The following ASB7 variants were observed in gnomAD, a reference collection of about 807,000 sequenced individuals.
The protein encoded by ASB7 is ankyrin repeat and SOCS box protein 7.
In ASB7, 4 loss-of-function variants were observed where a neutral mutation model predicts 32.5. The observed-to-expected ratio is 0.12, with a 90% CI of 0.06 to 0.28. The LOEUF is 0.28. Among genes scored for constraint, ASB7 ranks in the 10% least tolerant of loss-of-function variants. The pLI is 1.00. For synonymous variants in ASB7, 172 were observed against 155.6 expected (o/e 1.11, Z -0.78); for missense variants, 181 against 407.1 (o/e 0.44, Z 4.78).
chr15:100,619,907 G>C (rs1979710), intron 4 of ASB7, among the ~76,000 whole-genome samples: 43,171 of 152,164 alleles, frequency 0.28, 7,315 homozygotes, highest in South Asian at 0.42. Flanking sequence ...TTCCAAAAGG[G>C]TAACAGTGTG....
chr15:100,616,389 GT>G (rs770297871), intron 4 of ASB7, among the ~76,000 whole-genome samples: 6 of 152,036 alleles, frequency 3.9e-5, no homozygotes, highest in Non-Finnish European at 5.9e-5. Context: ...TAGCCTTATC[GT>G]TTGTGCCCTT....
Position 100,651,367 on chromosome 15 carries a change from G to C in ASB7, c.*2905G>C, listed in dbSNP as rs535251875. 29 of 152,102 alleles carry C rather than the reference G, an allele frequency of 1.9e-4. No individual in the cohort carries two copies. The highest frequency in any genetic ancestry group is 3.8e-4 in the Non-Finnish European group (26 of 68,020). 9.4% of individuals were successfully genotyped at this position (152,102 alleles called of 1,614,324 possible). ...TTTAATTCATTGTCAGTCATGCTTG[G>C]AACAGCATTTCCACTAGAGAATCCA... On this transcript the variant is annotated 3_prime_UTR_variant, in exon 6 of 6. Coordinates refer to ENST00000332783, the MANE Select transcript of ASB7 (RefSeq NM_198243.3).
At chr15:100,628,475 G>A (rs1419856285) in intron 4 of ASB7, among the ~76,000 whole-genome samples, 2 of 152,134 alleles carry the variant, frequency 1.3e-5, no homozygotes, top group African/African-American at 4.8e-5. Context: ...TTTTACAAGA[G>A]AGCATTTTCA....
chr15:100,629,799 A>T lies in ASB7; in HGVS notation c.574A>T (p.Asn192Tyr). 1 of 1,614,238 alleles carries T rather than the reference A, an allele frequency of 6.2e-7. No homozygotes were observed. Among genetic ancestry groups the T allele is most frequent in the Non-Finnish European group, 8.5e-7 (1 of 1,180,034 alleles). ...GTTGCGATACGCCGTGATCAAAAGC[A>T]ATCACTCTTATTGCCGAATGTTCCT... is the stretch of plus-strand genomic sequence containing the variant. The part of the protein sequence containing the change: ...FLLRYAVIKS[N>Y]HSYCRMFLQR... Residue 192 changes from asparagine to tyrosine, a missense_variant, in exon 5 of 6, where the codon AAT becomes TAT. Asn to Tyr is a moderately radical substitution (Grantham distance 143). Coordinates refer to ENST00000332783, the MANE Select transcript of ASB7 (RefSeq NM_198243.3). The surrounding 1 kb of genome is among the most constrained non-coding windows in gnomAD (Gnocchi z 6.8).
intron 5 of ASB7, among the ~76,000 whole-genome samples, chr15:100,640,616 C>T (rs1179210875): frequency 3.9e-5 from 6 of 152,108 alleles, no homozygotes; most frequent in Admixed American, 3.9e-4. Context: ...AATTTCTACC[C>T]CTCTCCAACC....
chr15:100,645,775 A>G, intron 5 of ASB7: 2 of 1,572,504 alleles, frequency 1.3e-6, no homozygotes, highest in East Asian at 2.2e-5. Flanking sequence ...AGGAAATACA[A>G]TTAAACACTT....
At chr15:100,641,376 C>T (rs2039960746) in intron 5 of ASB7, among the ~76,000 whole-genome samples, 1 of 152,128 alleles carries the variant, frequency 6.6e-6, no homozygotes, top group South Asian at 2.1e-4. Flanking sequence ...AAAATAGCTC[C>T]TTAGACTGTC....
intron 5 of ASB7, among the ~76,000 whole-genome samples, chr15:100,636,760 A>G (rs1005594821): frequency 6.6e-6 from 1 of 152,156 alleles, no homozygotes; most frequent in Non-Finnish European, 1.5e-5. Flanking sequence ...ATTGTTTTTT[A>G]TTTATTTATT....
chr15:100,623,611 G>C (rs1167106742), intron 4 of ASB7, among the ~76,000 whole-genome samples: 1 of 152,154 alleles, frequency 6.6e-6, no homozygotes, highest in Non-Finnish European at 1.5e-5. Flanking sequence ...GCAGAGAAAA[G>C]AAAACTCTTA....
intron 5 of ASB7, chr15:100,645,878 C>G: frequency 6.1e-6 from 5 of 818,166 alleles, no homozygotes; most frequent in Non-Finnish European, 8.3e-6. Flanking sequence ...TCTTCAGCAT[C>G]TGACCACAGC....
At chr15:100,635,300 G>A (rs568329896) in intron 5 of ASB7, among the ~76,000 whole-genome samples, 1 of 152,072 alleles carries the variant, frequency 6.6e-6, no homozygotes, top group Non-Finnish European at 1.5e-5. Flanking sequence ...TAAATTCCCC[G>A]GCTGGTAATT....
chr15:100,629,327 T>C lies in ASB7; in HGVS notation c.212-110T>C. On this transcript the variant is annotated intron_variant, in intron 4 of 5. Coordinates refer to ENST00000332783, the MANE Select transcript of ASB7 (RefSeq NM_198243.3). This position sits in a 1 kb window ranked among gnomAD's most constrained non-coding sequence, Gnocchi z 6.8. ...CGTACTTGATATTCATTACAGTGTT[T>C]GGTTGCTTCACATTTTATATGAGAA... 3 of 962,792 alleles carry C rather than the reference T, an allele frequency of 3.1e-6. No individual in the cohort carries two copies. The highest frequency in any genetic ancestry group is 4.7e-6 in the Non-Finnish European group (3 of 634,538). The allele number at this position is 962,792 out of a possible 1,614,324, so 59.6% of individuals were successfully genotyped here. A position where few individuals can be genotyped will look rare whatever the true frequency, so the allele number is the denominator to read the frequency against.
At position 100,648,930 on chromosome 15, in the gene ASB7, T is replaced by G. The variant is rs1479170869; in HGVS notation, c.*468T>G. The G allele has an allele frequency of 6.5e-6, 1 of 152,820 alleles. No homozygotes were observed. The highest frequency in any genetic ancestry group is 1.9e-4 in the East Asian group (1 of 5,204). The allele number at this position is 152,820 out of a possible 1,614,324, so 9.5% of individuals were successfully genotyped here. ...CCCTAAGAAATGTTTGAAGTAACGC[T>G]GTCACCTCATTCATTTTTAATGAGT... On this transcript the variant is annotated 3_prime_UTR_variant, in exon 6 of 6. Transcript: ENST00000332783.
At chr15:100,627,749 T>G (rs1326198649) in intron 4 of ASB7, among the ~76,000 whole-genome samples, 2 of 152,220 alleles carry the variant, frequency 1.3e-5, no homozygotes, top group Non-Finnish European at 2.9e-5. Flanking sequence ...GAAGGTATTC[T>G]TAAATTTCAC....
intron 5 of ASB7, chr15:100,645,936 C>A (rs1247184635): frequency 5.1e-6 from 3 of 591,968 alleles, no homozygotes; most frequent in Non-Finnish European, 9.6e-6. Context: ...CTATGGGAGT[C>A]CTTGTTAGTC....
chr15:100,627,413 T>G (rs574045110), intron 4 of ASB7, among the ~76,000 whole-genome samples: 2 of 152,364 alleles, frequency 1.3e-5, no homozygotes, highest in South Asian at 4.1e-4. Context: ...CGTTTTGTAG[T>G]TTATGTTGCT....
intron 4 of ASB7, among the ~76,000 whole-genome samples, chr15:100,614,487 C>T (rs1229004873): frequency 6.6e-6 from 1 of 152,064 alleles, no homozygotes; most frequent in African/African-American, 2.4e-5. Flanking sequence ...GTGTGCCGTA[C>T]TGGCTTTGTA....
At position 100,645,836 on chromosome 15, in the gene ASB7, T is replaced by C. The variant is rs907899285; in HGVS notation, c.818-2487T>C. ...TTGCCAAACGCGACATCCCACACGC[T>C]AATTTCATGGTCCCAAGATACGCTG... On this transcript the variant is annotated intron_variant, in intron 5 of 5. Transcript: ENST00000332783. The C allele has an allele frequency of 9.5e-6, 11 of 1,153,436 alleles. No homozygotes were observed. The African/African-American group carries it at 1.2e-4, about 13-fold the overall frequency. 71.5% of individuals were successfully genotyped at this position (1,153,436 alleles called of 1,614,324 possible).
intron 2 of ASB7, among the ~76,000 whole-genome samples, chr15:100,608,641 T>G (rs1428306005): frequency 1.3e-5 from 2 of 152,234 alleles, no homozygotes; most frequent in Non-Finnish European, 2.9e-5. Context: ...AAGGATCGCT[T>G]TGCATGTTTC....
Sources: allele counts gnomAD v4.1 joint callset (sites outside exome capture counted in the v4.1 genomes callset), GRCh38; gene constraint gnomAD v4.1.1; non-coding constraint Gnocchi (gnomAD v3.1); transcripts MANE v1.5; gene names NCBI Gene and HGNC (gene_info 2026-07-23, HGNC 2026-07-21).